Variants in SEC31A observed in about 807,000 individuals in gnomAD.
The protein encoded by SEC31A is protein transport protein Sec31A.
Under a neutral mutation model 151.0 loss-of-function variants are expected in SEC31A, and 70 were observed. The observed-to-expected ratio is 0.46, with a 90% CI of 0.38 to 0.57. The LOEUF (loss-of-function observed/expected upper bound fraction) is 0.57, where lower values mean the gene tolerates loss of function less well. Ranked by LOEUF, SEC31A falls within the 20% of genes least tolerant of loss-of-function variation. The probability of loss-of-function intolerance (pLI) is 0.00; values close to 1 mark genes in which losing one functional copy is unlikely to be tolerated. For synonymous variants in SEC31A, 475 were observed against 505.9 expected, an observed-to-expected ratio of 0.94 and a Z score of 0.82; for missense variants, 1,330 against 1,471.2, an observed-to-expected ratio of 0.90 and a Z score of 1.57.
chr4:82,888,697 A>AT (rs1741529842), intron 1 of SEC31A, among the ~76,000 whole-genome samples: 1 of 103,316 alleles, frequency 9.7e-6, no homozygotes, highest in Admixed American at 8.0e-5. Context: ...TCAGAAAAAA[A>AT]TAAAAAAAAA....
At chr4:82,861,605 A>G (rs1177036870) in intron 14 of SEC31A, 26 bp downstream of exon 14, 1 of 1,507,322 alleles carries the variant, frequency 6.6e-7, no homozygotes, top group Non-Finnish European at 9.1e-7. Context: ...AATTTGTCCA[A>G]TATAATATGA....
intron 1 of SEC31A, among the ~76,000 whole-genome samples, chr4:82,884,727 T>TA (rs1167159099): frequency 6.6e-6 from 1 of 152,206 alleles, no homozygotes; most frequent in East Asian, 1.9e-4. Context: ...TTCCTTTCAA[T>TA]AGAGCCTATA....
chr4:82,857,243 A>G, intron 15 of SEC31A, 113 bp from the exon 16 acceptor site: 1 of 841,906 alleles, frequency 1.2e-6, no homozygotes, highest in Non-Finnish European at 1.9e-6. Flanking sequence ...AGACCACAAC[A>G]CTAATTTCTG....
At chr4:82,824,791 T>C in intron 24 of SEC31A, 117 bp from the exon 25 acceptor site, 1 of 1,130,522 alleles carries the variant, frequency 8.8e-7, no homozygotes, top group Non-Finnish European at 1.2e-6. Flanking sequence ...CTATTCAAAA[T>C]CAAATTAAAA....
chr4:82,887,827 G>C (rs1741091637), intron 1 of SEC31A, among the ~76,000 whole-genome samples: 1 of 152,102 alleles, frequency 6.6e-6, no homozygotes, highest in African/African-American at 2.4e-5. Flanking sequence ...GGGAGGTCGA[G>C]GCGGGCGGAT....
chr4:82,869,896 T>C (rs1033379530), intron 8 of SEC31A, among the ~76,000 whole-genome samples: 1 of 152,198 alleles, frequency 6.6e-6, no homozygotes, highest in Non-Finnish European at 1.5e-5. Flanking sequence ...TCTTGCTTTA[T>C]CATTCAGAAG....
At chr4:82,845,194 G>A in intron 20 of SEC31A, 1 of 1,503,882 alleles carries the variant, frequency 6.6e-7, no homozygotes, top group Non-Finnish European at 8.9e-7. Context: ...AATAATGAAG[G>A]ATATACCTGT....
intron 22 of SEC31A, among the ~76,000 whole-genome samples, chr4:82,829,967 G>T (rs922898831): frequency 3.3e-5 from 5 of 152,146 alleles, no homozygotes; most frequent in Non-Finnish European, 7.4e-5. Context: ...GCAGATACTT[G>T]CTAAAGAAAC....
intron 14 of SEC31A, 74 bp downstream of exon 14, chr4:82,861,557 A>G: frequency 2.1e-6 from 2 of 951,332 alleles, no homozygotes; most frequent in Admixed American, 2.4e-5. Flanking sequence ...AGTCAAGAAA[A>G]TTTTCCTTAT....
upstream of SEC31A, chr4:82,891,404 G>A (rs1157912161): frequency 1.7e-6 from 1 of 587,624 alleles, no homozygotes; most frequent in Non-Finnish European, 3.0e-6. Flanking sequence ...GAGGGGCGGC[G>A]CGCAGAATGT....
intron 24 of SEC31A, among the ~76,000 whole-genome samples, chr4:82,825,410 C>T (rs114195369): frequency 6.6e-6 from 1 of 151,920 alleles, no homozygotes; most frequent in Admixed American, 6.6e-5. Flanking sequence ...TACGTTAACA[C>T]GTAGTGGAAA....
intron 14 of SEC31A, among the ~76,000 whole-genome samples, chr4:82,858,936 C>T (rs904559768): frequency 3.9e-4 from 59 of 151,954 alleles, no homozygotes; most frequent in Non-Finnish European, 7.9e-4. Flanking sequence ...CTCCTGACCT[C>T]ATGATCCGCC....
intron 8 of SEC31A, among the ~76,000 whole-genome samples, chr4:82,869,943 T>A (rs960020637): frequency 6.6e-6 from 1 of 152,096 alleles, no homozygotes; most frequent in Non-Finnish European, 1.5e-5. Flanking sequence ...TTTCCAGAAG[T>A]GAAAGAGGAT....
At chr4:82,832,739 G>A (rs188432209) in intron 22 of SEC31A, among the ~76,000 whole-genome samples, 1 of 152,222 alleles carries the variant, frequency 6.6e-6, no homozygotes, top group Admixed American at 6.5e-5. Flanking sequence ...CAAAAAATGG[G>A]CAAATGATAT....
chr4:82,839,632 C>T (rs904674686), intron 22 of SEC31A, among the ~76,000 whole-genome samples: 1 of 152,016 alleles, frequency 6.6e-6, no homozygotes, highest in Admixed American at 6.6e-5. Context: ...TTTAGGAAAT[C>T]CAAAAAGAAA....
At chr4:82,894,246 C>T (rs955562806), upstream of SEC31A, 2 of 151,090 alleles carry the variant, frequency 1.3e-5, no homozygotes, top group African/African-American at 4.8e-5. Context: ...TGTGCTTTAA[C>T]TGAACTACTT....
Position 82,837,158 on chromosome 4 carries a change from CATATATATATATAT to C in SEC31A, c.2968+4968_2968+4981del, listed in dbSNP as rs138120291. ...CAAACATGGTTAAAATAAATTTTAT[CATATATATATATAT>C]ATATATATATATATATATATATATA... is the stretch of plus-strand genomic sequence containing the variant. On this transcript the variant is annotated intron_variant, in intron 22 of 26. Coordinates refer to ENST00000395310, the MANE Select transcript of SEC31A (RefSeq NM_001077207.4). Among the ~76,000 whole-genome samples, 250 of 42,672 alleles carry C rather than the reference CATATATATATATAT, an allele frequency of 5.9e-3. 8 individuals carry two copies. In the East Asian group the frequency reaches 0.11, roughly 18 times the overall value. 28.0% of individuals were successfully genotyped at this position (42,672 alleles called of 152,430 possible).
chr4:82,825,966 A>G (rs1010115660), intron 24 of SEC31A, among the ~76,000 whole-genome samples: 5 of 152,250 alleles, frequency 3.3e-5, no homozygotes, highest in African/African-American at 9.6e-5. Flanking sequence ...CCACTCACTG[A>G]TAACAGGAAA....
At chr4:82,863,526 G>A (rs1437709898) in intron 11 of SEC31A, 134 bp from the exon 12 acceptor site, 2 of 539,032 alleles carry the variant, frequency 3.7e-6, no homozygotes, top group Non-Finnish European at 6.2e-6. Flanking sequence ...ACTGTTTGAA[G>A]GAATCCAAAG....
Sources: gnomAD v4.1 joint callset for allele counts (sites outside exome capture counted in the v4.1 genomes callset) on GRCh38, gnomAD v4.1.1 for gene constraint, MANE v1.5 for transcripts, NCBI Gene and HGNC (gene_info 2026-07-23, HGNC 2026-07-21) for gene names.